The following ARAP2 variants were observed in gnomAD, a reference collection of about 807,000 sequenced individuals.
ARAP2 encodes ArfGAP with RhoGAP domain, ankyrin repeat and PH domain 2.
Under a neutral mutation model 194.5 loss-of-function variants are expected in ARAP2, and 148 were observed. The observed-to-expected ratio is 0.76, with a 90% CI of 0.67 to 0.87. ARAP2 has a LOEUF of 0.87. Ranked by LOEUF, ARAP2 falls within the 40% of genes least tolerant of loss-of-function variation. The probability of loss-of-function intolerance (pLI) is 0.00; values close to 1 mark genes in which losing one functional copy is unlikely to be tolerated. For synonymous variants in ARAP2, 695 were observed against 683.5 expected, an observed-to-expected ratio of 1.02 and a Z score of -0.26; for missense variants, 2,128 against 1,989.7, an observed-to-expected ratio of 1.07 and a Z score of -1.32.
At chr4:36,150,590 C>T (rs568781724) in intron 16 of ARAP2, among the ~76,000 whole-genome samples, 3 of 151,476 alleles carry the variant, frequency 2.0e-5, no homozygotes, top group East Asian at 1.9e-4. Context: ...TGCAGTGAGC[C>T]GAGATCGCCT....
At chr4:36,152,020 T>G (rs544167534) in intron 15 of ARAP2, among the ~76,000 whole-genome samples, 1 of 152,270 alleles carries the variant, frequency 6.6e-6, no homozygotes, top group East Asian at 1.9e-4. Flanking sequence ...TAGCATATGA[T>G]TAGAATCTTA....
intron 11 of ARAP2, 92 bp downstream of exon 11, chr4:36,164,822 C>A (rs1221248598): frequency 4.8e-6 from 6 of 1,261,194 alleles, no homozygotes; most frequent in Non-Finnish European, 6.8e-6. Flanking sequence ...CTTCTCATAA[C>A]CATTAGCTAG....
intron 5 of ARAP2, among the ~76,000 whole-genome samples, chr4:36,037,237 T>A (rs73123410): frequency 0.037 from 5,616 of 152,260 alleles, 342 homozygotes; most frequent in African/African-American, 0.12. Context: ...ACTGACATTG[T>A]GGTGTCATCA....
chr4:36,014,316 A>G (rs1392163606), intron 8 of ARAP2, among the ~76,000 whole-genome samples: 11 of 106,500 alleles, frequency 1.0e-4, no homozygotes, highest in African/African-American at 2.8e-4. Flanking sequence ...GAAGGAAAGA[A>G]AGAAAGAGAG....
intron 5 of ARAP2, among the ~76,000 whole-genome samples, chr4:36,044,966 T>A (rs181896406): frequency 1.3e-3 from 196 of 152,148 alleles, no homozygotes; most frequent in African/African-American, 4.3e-3. Context: ...ACATCACTAA[T>A]CATCAGGGGA....
At chr4:36,202,847 G>C (rs1247957704) in intron 6 of ARAP2, among the ~76,000 whole-genome samples, 2 of 152,088 alleles carry the variant, frequency 1.3e-5, no homozygotes, top group African/African-American at 4.8e-5. Flanking sequence ...GAGAAGTCGA[G>C]GACAGTAACA....
intron 2 of ARAP2, among the ~76,000 whole-genome samples, chr4:36,054,706 A>G (rs1159662061): frequency 6.6e-6 from 1 of 152,232 alleles, no homozygotes; most frequent in Non-Finnish European, 1.5e-5. Context: ...ACAAAATAAC[A>G]TTAAACAAAA....
intron 31 of ARAP2, among the ~76,000 whole-genome samples, chr4:36,078,052 A>G (rs1421908119): frequency 6.6e-6 from 1 of 152,022 alleles, no homozygotes; most frequent in Non-Finnish European, 1.5e-5. Flanking sequence ...TGATTCTCCT[A>G]TTTTATCACA....
intron 5 of ARAP2, among the ~76,000 whole-genome samples, chr4:36,044,465 A>G (rs1721476054): frequency 6.6e-6 from 1 of 152,184 alleles, no homozygotes; most frequent in Admixed American, 6.5e-5. Flanking sequence ...GATGGAAGCT[A>G]TTATAACATA....
intron 26 of ARAP2, among the ~76,000 whole-genome samples, chr4:36,108,386 T>C (rs993410000): frequency 6.6e-6 from 1 of 152,006 alleles, no homozygotes; most frequent in Admixed American, 6.6e-5. Context: ...TCAACACTAG[T>C]AAATACCTCA....
At chr4:36,201,998 C>T (rs1415336728) in intron 6 of ARAP2, among the ~76,000 whole-genome samples, 1 of 152,086 alleles carries the variant, frequency 6.6e-6, no homozygotes, top group Non-Finnish European at 1.5e-5. Flanking sequence ...CAATGAAAAA[C>T]ATACTTCTCA....
intron 6 of ARAP2, among the ~76,000 whole-genome samples, chr4:36,202,292 G>T (rs1412429928): frequency 6.6e-6 from 1 of 152,132 alleles, no homozygotes; most frequent in Non-Finnish European, 1.5e-5. Context: ...AGAGAAAGAT[G>T]CAAGGAATTA....
At chr4:36,167,264 C>T (rs778044012) in intron 9 of ARAP2, among the ~76,000 whole-genome samples, 34 of 152,044 alleles carry the variant, frequency 2.2e-4, no homozygotes, top group Non-Finnish European at 4.3e-4. Flanking sequence ...GTGAAAGAAA[C>T]ATTGACTAGG....
chr4:36,121,088 A>T, intron 23 of ARAP2, 91 bp downstream of exon 23: 1 of 943,766 alleles, frequency 1.1e-6, no homozygotes, highest in Non-Finnish European at 1.5e-6. Flanking sequence ...ATGAATAAAG[A>T]TCTGAATAAT....
At chr4:36,092,084 A>T (rs917779742) in intron 27 of ARAP2, 64 bp from the exon 28 acceptor site, 1 of 1,440,352 alleles carries the variant, frequency 6.9e-7, no homozygotes. Context: ...ATACAATACA[A>T]AACATTTCTA....
chr4:36,035,570 A>G (rs937314998), intron 5 of ARAP2, among the ~76,000 whole-genome samples: 1 of 152,098 alleles, frequency 6.6e-6, no homozygotes, highest in African/African-American at 2.4e-5. Flanking sequence ...GTATGTGCCT[A>G]TTTACATCTC....
chr4:36,171,857 T>C (rs1736732520), intron 9 of ARAP2, among the ~76,000 whole-genome samples: 1 of 152,142 alleles, frequency 6.6e-6, no homozygotes, highest in African/African-American at 2.4e-5. Flanking sequence ...GGCATAATTT[T>C]TAAAAAATAG....
chr4:36,079,896 T>C (rs1729112574), intron 31 of ARAP2, among the ~76,000 whole-genome samples: 2 of 152,060 alleles, frequency 1.3e-5, no homozygotes, highest in Non-Finnish European at 2.9e-5. Flanking sequence ...CTATGTGGGA[T>C]TGTGGTAGGA....
Position 36,073,719 on chromosome 4 carries a change from C to A in ARAP2, c.4713G>T (p.Gly1571=). The A allele has an allele frequency of 6.2e-7, 1 of 1,612,658 alleles. No individual in the cohort carries two copies. The change falls in exon 32 of 33, where the codon GGG becomes GGT. Residue 1571 remains glycine, a synonymous_variant. Transcript: ENST00000303965. ...GLPLIPIQHE[G]NATLARKNIE... is the part of the protein sequence containing the mutation. Reference sequence around the variant, plus strand: ...TATTTTTCCGGGCCAAGGTTGCATTCCCCTCATGCTGTATAGGAATCAGAG... The same window carrying A: ...TATTTTTCCGGGCCAAGGTTGCATTACCCTCATGCTGTATAGGAATCAGAG...
Sources: allele counts gnomAD v4.1 joint callset (sites outside exome capture counted in the v4.1 genomes callset), GRCh38; gene constraint gnomAD v4.1.1; transcripts MANE v1.5; gene names NCBI Gene and HGNC (gene_info 2026-07-23, HGNC 2026-07-21).